The following ALS2 variants were observed in gnomAD, a reference collection of about 807,000 sequenced individuals.
ALS2 encodes the protein alsin Rho guanine nucleotide exchange factor ALS2.
In ALS2, 117 loss-of-function variants were observed where a neutral mutation model predicts 203.4. The observed-to-expected ratio is 0.58, with a 90% CI of 0.50 to 0.67. The LOEUF is 0.67. Ranked by LOEUF, ALS2 falls within the 30% of genes least tolerant of loss-of-function variation. The pLI is 0.00. For missense variants in ALS2, 1,715 were observed against 1,989.4 expected, an observed-to-expected ratio of 0.86 and a Z score of 2.62; for synonymous variants, 718 against 725.9, an observed-to-expected ratio of 0.99 and a Z score of 0.17.
chr2:201,749,850 T>C, intron 7 of ALS2, 61 bp from the exon 8 acceptor site: 2 of 1,273,992 alleles, frequency 1.6e-6, no homozygotes, highest in Non-Finnish European at 2.3e-6. Flanking sequence ...ACATCAACTC[T>C]GAACCTTTAT....
chr2:201,751,323 C>T (rs376867645), intron 7 of ALS2, among the ~76,000 whole-genome samples: 14 of 152,282 alleles, frequency 9.2e-5, no homozygotes, highest in African/African-American at 3.1e-4. Context: ...CTGCACTGCA[C>T]GCACATTTTC....
At position 201,757,773 on chromosome 2, in the gene ALS2, A is replaced by G. The variant is rs1387158723; in HGVS notation, c.1114-14T>C. On this transcript the variant is annotated splice_polypyrimidine_tract_variant and intron_variant, in intron 4 of 33. Coordinates refer to ENST00000264276, the MANE Select transcript of ALS2 (RefSeq NM_020919.4). The stretch of plus-strand genomic sequence containing the variant: ...TTCTAAAAGAGGCTAAAATATACAC[A>G]CATAAAAAATTATATAAAAATATAA... The G allele has an allele frequency of 1.8e-5, 29 of 1,572,974 alleles. No individual in the cohort carries two copies. The highest frequency in any genetic ancestry group is 2.5e-5 in the Non-Finnish European group (29 of 1,152,984).
chr2:201,749,621 T>TCC lies in ALS2; in HGVS notation c.1815+89_1815+90dup, dbSNP rs1356498130. ...CAAATTTAGGTTGTACGTATGAAAT[T>TCC]CCCCCGATATTTTAAAATAAGAAAT... On this transcript the variant is annotated intron_variant, in intron 8 of 33. Transcript: ENST00000264276. 13 of 1,245,276 alleles carry TCC rather than the reference T, an allele frequency of 1.0e-5. 1 individual carries two copies. The East Asian group carries it at 3.1e-4, about 30-fold the overall frequency. 77.1% of individuals were successfully genotyped at this position (1,245,276 alleles called of 1,614,324 possible).
At chr2:201,728,891 G>A (rs893747139) in intron 14 of ALS2, among the ~76,000 whole-genome samples, 161 bp downstream of exon 14, 11 of 152,128 alleles carry the variant, frequency 7.2e-5, no homozygotes, top group African/African-American at 2.7e-4. Context: ...AATGAGAGAA[G>A]GTATTTAGAG....
chr2:201,706,393 G>GA lies in ALS2; in HGVS notation c.4580+452dup, dbSNP rs35917459. On this transcript the variant is annotated intron_variant, in intron 29 of 33. Coordinates refer to ENST00000264276, the MANE Select transcript of ALS2 (RefSeq NM_020919.4). Reference sequence around the variant, plus strand: ...AGAGTGAAACTCTCTTTCAAAAAAAGAAAAAAAAAAAAACACTTCAAAACC... The same window carrying GA: ...AGAGTGAAACTCTCTTTCAAAAAAAGAAAAAAAAAAAAAACACTTCAAAACC... Among the ~76,000 whole-genome samples the GA allele has an allele frequency of 1.1e-3, 161 of 140,952 alleles. 1 individual carries two copies. In the South Asian group the frequency reaches 0.026, roughly 22 times the overall value. 92.5% of individuals were successfully genotyped at this position (140,952 alleles called of 152,430 possible).
chr2:201,717,478 CAAA>C (rs112096355), intron 24 of ALS2, among the ~76,000 whole-genome samples: 5 of 117,254 alleles, frequency 4.3e-5, no homozygotes, highest in African/African-American at 3.1e-5. Flanking sequence ...CTCCCACCTC[CAAA>C]AAAAAAAAAA....
chr2:201,724,754 A>G (rs1159307350), intron 20 of ALS2, among the ~76,000 whole-genome samples: 1 of 152,210 alleles, frequency 6.6e-6, no homozygotes, highest in African/African-American at 2.4e-5. Flanking sequence ...AGTTTTGTCC[A>G]TTAGAATCCT....
chr2:201,772,050 T>G (rs1451080755), intron 1 of ALS2, among the ~76,000 whole-genome samples: 2 of 152,242 alleles, frequency 1.3e-5, no homozygotes, highest in East Asian at 1.9e-4. Context: ...AGATTCACTT[T>G]AAAGCATACC....
chr2:201,728,915 G>C (rs757529690), intron 14 of ALS2, 137 bp downstream of exon 14: 47 of 1,353,012 alleles, frequency 3.5e-5, no homozygotes, highest in Non-Finnish European at 4.8e-5. Flanking sequence ...CCATTAGTAT[G>C]GTCCTTAGAC....
intron 3 of ALS2, 140 bp downstream of exon 3, chr2:201,767,089 T>C: frequency 1.0e-6 from 1 of 961,242 alleles, no homozygotes; most frequent in Non-Finnish European, 1.5e-6. Flanking sequence ...ACTTAAAGCA[T>C]AATAATAATA....
chr2:201,721,335 C>CA, intron 23 of ALS2, among the ~76,000 whole-genome samples: 1 of 152,242 alleles, frequency 6.6e-6, no homozygotes, highest in East Asian at 1.9e-4. Context: ...TATGAAAAGT[C>CA]AAAGAATCTA....
Position 201,741,776 on chromosome 2 carries a change from C to T in ALS2, c.2249G>A (p.Gly750Asp). The T allele has an allele frequency of 6.2e-7, 1 of 1,614,118 alleles. No homozygotes were observed. Among genetic ancestry groups the T allele is most frequent in the South Asian group, 1.1e-5 (1 of 91,072 alleles). The change falls in exon 11 of 34, where the codon GGT becomes GAT. Residue 750 changes from glycine to aspartate, a missense_variant. This residue lies in a region of ALS2 where 1,227 missense variants were observed against 1,413.5 expected (regional missense o/e 0.87). Coordinates refer to ENST00000264276, the MANE Select transcript of ALS2 (RefSeq NM_020919.4). Reference sequence around the variant, plus strand: ...GCTGCTCAATGAGGCTCCATGCTGACCAATGAGGTAACACAGCTTGCTGAA... The same window carrying T: ...GCTGCTCAATGAGGCTCCATGCTGATCAATGAGGTAACACAGCTTGCTGAA... ...SRFSKLCYLI[G>D]QHGASLSSFL... is the part of the protein sequence containing the mutation.
At chr2:201,706,535 T>TTATATATATATATATATATA (rs34345642) in intron 29 of ALS2, among the ~76,000 whole-genome samples, 5 of 143,848 alleles carry the variant, frequency 3.5e-5, no homozygotes, top group African/African-American at 1.3e-4. Context: ...AGCTCACACT[T>TTATATATATATATATATATA]TATATATATA....
chr2:201,746,424 G>A, intron 9 of ALS2, 142 bp downstream of exon 9: 2 of 894,598 alleles, frequency 2.2e-6, no homozygotes, highest in East Asian at 2.4e-5. Flanking sequence ...AGGAGTGAAG[G>A]GGGCTTGAAA....
At chr2:201,771,431 A>C (rs539956835) in intron 1 of ALS2, among the ~76,000 whole-genome samples, 1 of 152,306 alleles carries the variant, frequency 6.6e-6, no homozygotes, top group South Asian at 2.1e-4. Flanking sequence ...TGAAACTCCA[A>C]TAGGGCAATG....
intron 24 of ALS2, among the ~76,000 whole-genome samples, chr2:201,717,513 GA>G (rs1324805955): frequency 4.0e-5 from 6 of 149,036 alleles, no homozygotes; most frequent in Admixed American, 3.3e-4. Flanking sequence ...CTCACACATG[GA>G]ACTTTCCTTT....
rs780548610 is a variant in ALS2, at chr2:201,715,805, C to T, written c.3871G>A (p.Glu1291Lys). The change falls in exon 25 of 34, where the codon GAG (glutamate) becomes AAG (lysine). Residue 1291 changes from glutamate (E) to lysine (K), a missense_variant. Glu to Lys is a moderately conservative substitution (Grantham distance 56). Coordinates refer to ENST00000264276, the MANE Select transcript of ALS2 (RefSeq NM_020919.4). ...TCGTCAAACACCGCTTTCCACTTCT[C>T]ATCAGCTGGCACTGCCAGGTTTCCT... ...KLGNLAVPAD[E>K]KWKAVFDECW... 5.6e-6 allele frequency: 9 copies of T among 1,614,228 alleles called. No homozygotes were observed. The highest frequency in any genetic ancestry group is 7.6e-6 in the Non-Finnish European group (9 of 1,180,038).
chr2:201,754,205 G>T (rs1285638390), intron 6 of ALS2, among the ~76,000 whole-genome samples: 1 of 151,972 alleles, frequency 6.6e-6, no homozygotes. Context: ...TAGAGACTGG[G>T]TTTTGCCATG....
rs1691280314 is a variant in ALS2 at position 201,727,716 on chromosome 2, T to G, written c.2901A>C (p.Glu967Asp). 1.3e-6 allele frequency: 2 copies of G among 1,551,706 alleles called. No individual in the cohort carries two copies. Among genetic ancestry groups the G allele is most frequent in the Non-Finnish European group, 1.7e-6 (2 of 1,147,008 alleles). Residue 967 changes from glutamate (E) to aspartate (D), a missense_variant, in exon 16 of 34, where the codon GAA (glutamate) becomes GAC (aspartate). This residue lies in a region of ALS2 where 1,227 missense variants were observed against 1,413.5 expected (regional missense o/e 0.87). Coordinates refer to ENST00000264276, the MANE Select transcript of ALS2 (RefSeq NM_020919.4). ...ATLWAEPLSE[E>D]AGGVNGLKIT... ...GGGGACGCACTTACACACCACCAGC[T>G]TCTTCAGACAGTGGCTCTGCCCACA...
Sources: gnomAD v4.1 joint callset for allele counts (sites outside exome capture counted in the v4.1 genomes callset) on GRCh38, gnomAD v4.1.1 for gene constraint, gnomAD v4.1.1 regional missense constraint, MANE v1.5 for transcripts, NCBI Gene and HGNC (gene_info 2026-07-23, HGNC 2026-07-21) for gene names.